The following TMEM132D variants were observed in gnomAD, a reference collection of about 807,000 sequenced individuals.
The protein encoded by TMEM132D is mature OL transmembrane protein.
A neutral mutation model predicts 62.3 loss-of-function variants in TMEM132D; 21 were observed. The ratio of observed to expected loss-of-function variants is 0.34; its 90% CI spans 0.24 to 0.49. The LOEUF (loss-of-function observed/expected upper bound fraction) is 0.49, where lower values mean the gene tolerates loss of function less well. TMEM132D is among the 20% of genes least tolerant of loss of function. TMEM132D has a pLI of 0.99. For synonymous variants in TMEM132D, 621 were observed against 575.6 expected (o/e 1.08, Z -1.13); for missense variants, 1,346 against 1,402.8 (o/e 0.96, Z 0.65).
intron 6 of TMEM132D, among the ~76,000 whole-genome samples, chr12:129,082,690 G>A (rs1053523591): frequency 6.6e-6 from 1 of 152,196 alleles, no homozygotes; most frequent in South Asian, 2.1e-4. Context: ...GCTCAGCCAT[G>A]CCTGGATTCC....
chr12:129,722,708 G>A (rs1868882061), intron 1 of TMEM132D, among the ~76,000 whole-genome samples: 1 of 150,138 alleles, frequency 6.7e-6, no homozygotes, highest in Non-Finnish European at 1.5e-5. Context: ...ATTCCTGGTT[G>A]TTTTCATCAA....
intron 2 of TMEM132D, among the ~76,000 whole-genome samples, chr12:129,558,381 T>C (rs1461038383): frequency 2.0e-5 from 3 of 152,268 alleles, no homozygotes; most frequent in East Asian, 3.9e-4. Context: ...ACAGAAAAAC[T>C]AAAGCAGCTT....
At chr12:129,222,373 T>C (rs2135574134) in intron 4 of TMEM132D, among the ~76,000 whole-genome samples, 2 of 152,348 alleles carry the variant, frequency 1.3e-5, no homozygotes, top group South Asian at 4.1e-4. Context: ...CCATAGCACG[T>C]ATCCACACTT....
intron 3 of TMEM132D, among the ~76,000 whole-genome samples, chr12:129,509,843 T>TAC (rs1875446006): frequency 6.6e-6 from 1 of 152,208 alleles, no homozygotes; most frequent in Admixed American, 6.5e-5. Context: ...TGTATATATG[T>TAC]ACCTCATTTC....
At chr12:129,759,056 C>A (rs1870264447) in intron 1 of TMEM132D, among the ~76,000 whole-genome samples, 1 of 151,934 alleles carries the variant, frequency 6.6e-6, no homozygotes. Context: ...ACTTCAGTCT[C>A]CCCAGTAGCT....
At chr12:129,117,502 CTAAG>C (rs1875930570) in intron 5 of TMEM132D, among the ~76,000 whole-genome samples, 1 of 152,196 alleles carries the variant, frequency 6.6e-6, no homozygotes, top group Non-Finnish European at 1.5e-5. Context: ...ACACACTAAT[CTAAG>C]TGTTTTCCAC....
chr12:129,096,050 G>T (rs947785083), intron 5 of TMEM132D, among the ~76,000 whole-genome samples: 1 of 152,198 alleles, frequency 6.6e-6, no homozygotes, highest in African/African-American at 2.4e-5. Flanking sequence ...GATCAGAGGT[G>T]TTAAAGCTGC....
chr12:129,500,225 G>A (rs1875094317), intron 3 of TMEM132D, among the ~76,000 whole-genome samples: 1 of 149,120 alleles, frequency 6.7e-6, no homozygotes, highest in African/African-American at 2.5e-5. Context: ...CCTGAGTGGG[G>A]AGGCAATTCA....
intron 3 of TMEM132D, among the ~76,000 whole-genome samples, chr12:129,497,593 T>C (rs924649445): frequency 2.6e-5 from 4 of 152,162 alleles, no homozygotes; most frequent in African/African-American, 7.2e-5. Context: ...CAAATGTCTA[T>C]CTAGGGCTAA....
intron 1 of TMEM132D, among the ~76,000 whole-genome samples, chr12:129,899,628 C>CTAAATATTA (rs1875285557): frequency 6.6e-6 from 1 of 152,128 alleles, no homozygotes; most frequent in African/African-American, 2.4e-5. Context: ...TGTAGCATAG[C>CTAAATATTA]TTCTATAATA....
chr12:129,267,835 G>T (rs1186281511), intron 4 of TMEM132D, among the ~76,000 whole-genome samples: 1 of 152,112 alleles, frequency 6.6e-6, no homozygotes, highest in Admixed American at 6.5e-5. Flanking sequence ...CCAAAACAGA[G>T]ATATAGATCA....
At chr12:129,645,322 C>T (rs1406831714) in intron 2 of TMEM132D, among the ~76,000 whole-genome samples, 1 of 152,144 alleles carries the variant, frequency 6.6e-6, no homozygotes, top group Non-Finnish European at 1.5e-5. Context: ...CCTGATTTTC[C>T]AACATAACCT....
chr12:129,413,510 C>T (rs929980154), intron 3 of TMEM132D, among the ~76,000 whole-genome samples: 2 of 136,710 alleles, frequency 1.5e-5, no homozygotes, highest in Non-Finnish European at 3.1e-5. Context: ...ACGTCATTTC[C>T]AACAATTTGG....
chr12:129,164,245 G>A (rs964658887), intron 5 of TMEM132D, among the ~76,000 whole-genome samples: 3 of 152,222 alleles, frequency 2.0e-5, no homozygotes, highest in Non-Finnish European at 2.9e-5. Context: ...AAAGTGGAAC[G>A]TGACAGCCTT....
At chr12:129,141,862 A>G (rs1226311583) in intron 5 of TMEM132D, among the ~76,000 whole-genome samples, 1 of 151,908 alleles carries the variant, frequency 6.6e-6, no homozygotes, top group African/African-American at 2.4e-5. Flanking sequence ...CCTAAACCTC[A>G]GTATCATGCA....
intron 3 of TMEM132D, among the ~76,000 whole-genome samples, chr12:129,465,375 G>C (rs1437364799): frequency 1.3e-5 from 2 of 152,070 alleles, no homozygotes; most frequent in Admixed American, 6.5e-5. Context: ...CATTCCCTTT[G>C]AAAACTGGCA....
intron 4 of TMEM132D, among the ~76,000 whole-genome samples, chr12:129,276,129 C>T (rs1292304023): frequency 6.6e-6 from 1 of 152,204 alleles, no homozygotes; most frequent in East Asian, 1.9e-4. Context: ...AACTAGATTT[C>T]ACCCTCCACC....
chr12:129,814,660 T>C (rs985614576), intron 1 of TMEM132D, among the ~76,000 whole-genome samples: 1 of 150,678 alleles, frequency 6.6e-6, no homozygotes, highest in Non-Finnish European at 1.5e-5. Context: ...AAGTTCCTGA[T>C]GTAGGGGTCC....
At chr12:129,419,108 T>C (rs2135709820) in intron 3 of TMEM132D, among the ~76,000 whole-genome samples, 1 of 152,340 alleles carries the variant, frequency 6.6e-6, no homozygotes, top group East Asian at 1.9e-4. Flanking sequence ...CCCACCCAGT[T>C]TGTGGGACTT....
Sources: allele counts gnomAD v4.1 joint callset (sites outside exome capture counted in the v4.1 genomes callset), GRCh38; gene constraint gnomAD v4.1.1; transcripts MANE v1.5; gene names NCBI Gene and HGNC (gene_info 2026-07-23, HGNC 2026-07-21).